The following RABGEF1 variants were observed in gnomAD, a reference collection of about 807,000 sequenced individuals.
RABGEF1 encodes the protein RAB guanine nucleotide exchange factor 1, also known as rab5 GDP/GTP exchange factor.
RABGEF1 carries 26 observed loss-of-function variants against 57.3 expected under a neutral mutation model. The observed-to-expected ratio is 0.45, with a 90% CI of 0.33 to 0.63. The LOEUF (loss-of-function observed/expected upper bound fraction) is 0.63, where lower values mean the gene tolerates loss of function less well. RABGEF1 is among the 20% of genes least tolerant of loss of function. The probability of loss-of-function intolerance (pLI) is 0.02; values close to 1 mark genes in which losing one functional copy is unlikely to be tolerated. For synonymous variants in RABGEF1, 185 were observed against 210.7 expected (o/e 0.88, Z 1.06); for missense variants, 464 against 607.6 (o/e 0.76, Z 2.48).
At chr7:66,749,004 T>C (rs890985184) in intron 1 of RABGEF1, 6 of 170,370 alleles carry the variant, frequency 3.5e-5, no homozygotes, top group Non-Finnish European at 5.2e-5. Context: ...GTAGGTGATA[T>C]CAGGCCTTCA....
chr7:66,693,084 ACGT>A (rs1436215919), intron 1 of RABGEF1, among the ~76,000 whole-genome samples: 1 of 152,168 alleles, frequency 6.6e-6, no homozygotes, highest in Non-Finnish European at 1.5e-5. Context: ...GCTGAAAGGC[ACGT>A]CGTTCTAGAA....
At chr7:66,682,011 T>G (rs564870327), upstream of RABGEF1, among the ~76,000 whole-genome samples, 7 of 152,222 alleles carry the variant, frequency 4.6e-5, no homozygotes, top group Admixed American at 4.6e-4. Flanking sequence ...CTACTCTGTG[T>G]AAGCCTTTGG....
At chr7:66,680,109 A>C (rs1789592267), upstream of RABGEF1, among the ~76,000 whole-genome samples, 1 of 152,236 alleles carries the variant, frequency 6.6e-6, no homozygotes, top group Non-Finnish European at 1.5e-5. Context: ...TGATTCTATG[A>C]TCACAAGTCA....
rs1204483171 is a variant in RABGEF1, at chr7:66,733,691, C to G, written c.-814-6305C>G. Among the ~76,000 whole-genome samples the G allele has an allele frequency of 9.1e-5, 10 of 109,842 alleles. No individual in the cohort carries two copies. In the Admixed American group the frequency reaches 9.3e-4, roughly 10 times the overall value. The allele number at this position is 109,842 out of a possible 152,430, so 72.1% of individuals were successfully genotyped here. On this transcript the variant is annotated intron_variant and NMD_transcript_variant, in intron 2 of 9. Transcript: ENST00000607882. ...CCAGACTGGGCTACAGAGTGAGGCT[C>G]CATCTCAACAAAACAAAACAAAACA...
At chr7:66,709,724 A>T (rs1471729167) in intron 1 of RABGEF1, among the ~76,000 whole-genome samples, 1 of 152,160 alleles carries the variant, frequency 6.6e-6, no homozygotes, top group Non-Finnish European at 1.5e-5. Context: ...GCAGTGAACC[A>T]AGATCAAGCC....
rs190174367 is a variant in RABGEF1 at position 66,808,372 on chromosome 7, C to T, written c.1078-514C>T. Among the ~76,000 whole-genome samples the T allele has an allele frequency of 2.6e-4, 40 of 152,178 alleles. 1 individual carries two copies. The East Asian group carries it at 7.0e-3, about 27-fold the overall frequency. On this transcript the variant is annotated intron_variant, in intron 8 of 8. Coordinates refer to ENST00000284957, the MANE Select transcript of RABGEF1 (RefSeq NM_014504.3). Reference sequence around the variant, plus strand: ...CGGGGATTACAGGCGCCCACAACTGCGCCCAGCTAATTTTTGTATTTTTAG... The same window carrying T: ...CGGGGATTACAGGCGCCCACAACTGTGCCCAGCTAATTTTTGTATTTTTAG...
chr7:66,702,344 T>C (rs1793398432), intron 1 of RABGEF1, among the ~76,000 whole-genome samples: 1 of 126,928 alleles, frequency 7.9e-6, no homozygotes, highest in Non-Finnish European at 1.6e-5. Flanking sequence ...GCTATTGTTT[T>C]GTTTGTGTGT....
At chr7:66,687,555 T>G (rs1295646047) in intron 1 of RABGEF1, among the ~76,000 whole-genome samples, 1 of 151,730 alleles carries the variant, frequency 6.6e-6, no homozygotes, top group African/African-American at 2.4e-5. Context: ...GGCATGTTCC[T>G]GCAGTCCAAG....
upstream of RABGEF1, chr7:66,740,567 ACCCCACT>A (rs1244993486): frequency 3.3e-5 from 5 of 152,262 alleles, no homozygotes; most frequent in Admixed American, 6.5e-5. Flanking sequence ...TCAGGGCGGT[ACCCCACT>A]CCGCTCGACC....
chr7:66,803,621 T>G (rs376659949), intron 7 of RABGEF1, among the ~76,000 whole-genome samples: 3 of 152,132 alleles, frequency 2.0e-5, no homozygotes, highest in African/African-American at 7.2e-5. Flanking sequence ...CCGGGAGCAG[T>G]GAGTCACACC....
intron 1 of RABGEF1, among the ~76,000 whole-genome samples, chr7:66,694,776 A>G (rs766638835): frequency 4.6e-5 from 7 of 152,186 alleles, no homozygotes; most frequent in Admixed American, 6.5e-5. Context: ...GGAGCCTCCG[A>G]TGATGCCAGC....
At chr7:66,700,335 G>A (rs1562710362) in intron 1 of RABGEF1, among the ~76,000 whole-genome samples, 1 of 152,182 alleles carries the variant, frequency 6.6e-6, no homozygotes, top group Admixed American at 6.5e-5. Flanking sequence ...GCCTTGAAGG[G>A]GTCCTGCCTG....
intron 2 of RABGEF1, chr7:66,774,072 TCTC>T (rs1807921609): frequency 8.3e-6 from 2 of 239,526 alleles, no homozygotes; most frequent in South Asian, 8.2e-5. Flanking sequence ...TCCTAACCCT[TCTC>T]CTGAGTCAAT....
rs556654264 is a variant in RABGEF1, at chr7:66,749,657, A to C, written c.-18+8865A>C. On this transcript the variant is annotated intron_variant, in intron 1 of 8. Coordinates refer to ENST00000284957, the MANE Select transcript of RABGEF1 (RefSeq NM_014504.3). The stretch of plus-strand genomic sequence containing the variant: ...CCACTACACTCTAGCCTGGGCAACA[A>C]AGCAAGACTCCATCTCTAAAAACAA... Among the ~76,000 whole-genome samples the C allele has an allele frequency of 5.9e-5, 9 of 152,192 alleles. No homozygotes were observed. In the South Asian group the frequency reaches 1.9e-3, roughly 32 times the overall value.
intron 4 of RABGEF1, among the ~76,000 whole-genome samples, chr7:66,791,528 T>C (rs1812654896): frequency 6.6e-6 from 1 of 152,190 alleles, no homozygotes; most frequent in African/African-American, 2.4e-5. Flanking sequence ...CTAAATAGAT[T>C]AAGCAGTTAA....
intron 1 of RABGEF1, among the ~76,000 whole-genome samples, chr7:66,707,191 G>A (rs1257269976): frequency 1.3e-5 from 2 of 152,106 alleles, no homozygotes; most frequent in Non-Finnish European, 2.9e-5. Context: ...GTCAGAAAAC[G>A]TATTTTGAAT....
chr7:66,682,916 G>A (rs1790003661), intron 1 of RABGEF1, among the ~76,000 whole-genome samples: 1 of 152,174 alleles, frequency 6.6e-6, no homozygotes, highest in African/African-American at 2.4e-5. Flanking sequence ...GGAGAGAGAG[G>A]GAAGGACTCT....
Position 66,753,995 on chromosome 7 carries a change from G to A in RABGEF1, c.-18+13203G>A, listed in dbSNP as rs895420817. On this transcript the variant is annotated intron_variant, in intron 1 of 8. Coordinates refer to ENST00000284957, the MANE Select transcript of RABGEF1 (RefSeq NM_014504.3). ...GCTGGGATTACAGGCATGAGCCAAC[G>A]TACTAGGCCATTTTTTTTTTTTTTT... is the stretch of plus-strand genomic sequence containing the variant. 6.1e-5 allele frequency among the ~76,000 whole-genome samples: 9 copies of A among 148,460 alleles called. No homozygotes were observed. In the East Asian group the frequency reaches 1.4e-3, roughly 23 times the overall value.
At chr7:66,716,855 C>T (rs1273466064) in intron 2 of RABGEF1, among the ~76,000 whole-genome samples, 1 of 152,106 alleles carries the variant, frequency 6.6e-6, no homozygotes, top group East Asian at 1.9e-4. Flanking sequence ...CTCGGTTCAC[C>T]ACAAGCTCTG....
Sources: gnomAD v4.1 joint callset for allele counts (sites outside exome capture counted in the v4.1 genomes callset) on GRCh38, gnomAD v4.1.1 for gene constraint, MANE v1.5 for transcripts, NCBI Gene and HGNC (gene_info 2026-07-23, HGNC 2026-07-21) for gene names.